STXBP5: variants seen among roughly 807,000 people sequenced by gnomAD.
STXBP5 encodes syntaxin binding protein 5, also known as syntaxin-binding protein 5.
Under a neutral mutation model 152.4 loss-of-function variants are expected in STXBP5, and 50 were observed. The observed-to-expected ratio is 0.33, with a 90% CI of 0.26 to 0.42. The LOEUF is 0.42. Among genes scored for constraint, STXBP5 ranks in the 10% least tolerant of loss-of-function variants. The pLI is 1.00. For missense variants in STXBP5, 1,167 were observed against 1,388.6 expected (o/e 0.84, Z 2.54); for synonymous variants, 492 against 494.7 (o/e 0.99, Z 0.07).
intron 27 of STXBP5, among the ~76,000 whole-genome samples, chr6:147,384,008 G>A (rs1786223274): frequency 6.6e-6 from 1 of 152,036 alleles, no homozygotes; most frequent in Non-Finnish European, 1.5e-5. Flanking sequence ...GATCTCTACA[G>A]CATGTAGCAT....
In STXBP5 at chr6:147,204,688, C is replaced by A. The variant is rs956651147; in HGVS notation, c.150+6C>A. On this transcript the variant is annotated splice_donor_region_variant and intron_variant, in intron 1 of 27. Coordinates refer to ENST00000321680, the MANE Select transcript of STXBP5 (RefSeq NM_001127715.4). The surrounding 1 kb of genome is among the most constrained non-coding windows in gnomAD (Gnocchi z 4.3). ...AGCACTTTCAGCTCTGCAAGGTGAACGGAGCGCGCAGCCCCGCGACACCGT... is the reference window on the plus strand; with the variant it reads ...AGCACTTTCAGCTCTGCAAGGTGAAAGGAGCGCGCAGCCCCGCGACACCGT... 2 of 1,570,372 alleles carry A rather than the reference C, an allele frequency of 1.3e-6. No homozygotes were observed. The highest frequency in any genetic ancestry group is 2.4e-5 in the East Asian group (1 of 42,012).
intron 2 of STXBP5, among the ~76,000 whole-genome samples, chr6:147,206,960 C>T (rs1274268859): frequency 6.6e-6 from 1 of 151,034 alleles, no homozygotes; most frequent in Non-Finnish European, 1.5e-5. Context: ...GGATATCTAC[C>T]TCCTGCATAT....
intron 2 of STXBP5, among the ~76,000 whole-genome samples, chr6:147,210,914 C>T (rs767623122): frequency 8.5e-5 from 13 of 152,120 alleles, no homozygotes; most frequent in Admixed American, 2.6e-4. Context: ...TACTGAGTGG[C>T]AACTGTGTAG....
At chr6:147,354,937 C>T (rs2128409072) in intron 22 of STXBP5, among the ~76,000 whole-genome samples, 1 of 152,206 alleles carries the variant, frequency 6.6e-6, no homozygotes, top group Non-Finnish European at 1.5e-5. Flanking sequence ...TTACATTGGT[C>T]AGGGAGGCAA....
At chr6:147,365,092 C>G (rs925674718) in intron 25 of STXBP5, among the ~76,000 whole-genome samples, 1 of 151,826 alleles carries the variant, frequency 6.6e-6, no homozygotes, top group Admixed American at 6.6e-5. Flanking sequence ...AGCATAGTGC[C>G]CCTGGTACAG....
At chr6:147,263,439 G>T (rs985786042) in intron 6 of STXBP5, among the ~76,000 whole-genome samples, 2 of 146,710 alleles carry the variant, frequency 1.4e-5, no homozygotes, top group African/African-American at 5.1e-5. Context: ...TGATCCTCCT[G>T]CCTTGTAATC....
At chr6:147,253,817 A>G (rs535800684) in intron 4 of STXBP5, among the ~76,000 whole-genome samples, 67 of 152,206 alleles carry the variant, frequency 4.4e-4, no homozygotes, top group Admixed American at 9.2e-4. Flanking sequence ...AATGGAAAAC[A>G]TTCCATGCTG....
chr6:147,332,336 C>T (rs1783616603), intron 18 of STXBP5, among the ~76,000 whole-genome samples: 1 of 152,080 alleles, frequency 6.6e-6, no homozygotes, highest in African/African-American at 2.4e-5. Flanking sequence ...CAGTAGATTA[C>T]ATTAATAGTG....
intron 9 of STXBP5, chr6:147,293,213 A>T (rs1781363487): frequency 6.6e-6 from 1 of 152,166 alleles, no homozygotes; most frequent in South Asian, 2.1e-4. Context: ...CAATGACAAA[A>T]TTGTCCAATG....
chr6:147,314,599 T>G lies in STXBP5; in HGVS notation c.1365T>G (p.His455Gln), dbSNP rs762982125. The G allele has an allele frequency of 6.2e-7, 1 of 1,609,536 alleles. No individual in the cohort carries two copies. The highest frequency in any genetic ancestry group is 1.1e-5 in the South Asian group (1 of 89,898). Residue 455 changes from histidine to glutamine, a missense_variant, in exon 14 of 28, where the codon CAT becomes CAG. His to Gln is a conservative substitution (Grantham distance 24). Coordinates refer to ENST00000321680, the MANE Select transcript of STXBP5 (RefSeq NM_001127715.4). ...QSYPEIIITG[H>Q]ADGSVKFWDA... ...TTCTTAACATTGCTTTTCTTAGGCA[T>G]GCTGATGGGTCAGTTAAGTTCTGGG...
intron 6 of STXBP5, 49 bp from the exon 7 acceptor site, chr6:147,267,035 T>C (rs1779927925): frequency 6.9e-7 from 1 of 1,445,562 alleles, no homozygotes; most frequent in Non-Finnish European, 9.6e-7. Flanking sequence ...AATAAATGTT[T>C]TATAATTGAT....
chr6:147,385,780 A>G lies in STXBP5; in HGVS notation c.*1025A>G, dbSNP rs1417706791. On this transcript the variant is annotated 3_prime_UTR_variant, in exon 28 of 28. Transcript: ENST00000321680. ...TAAAATGCTCAGCTCCCTTTTCAAAATGCCCTTTATTTGCTAACTGTTCCA... is the reference window on the plus strand; with the variant it reads ...TAAAATGCTCAGCTCCCTTTTCAAAGTGCCCTTTATTTGCTAACTGTTCCA... 6.6e-6 allele frequency: 1 copy of G among 152,110 alleles called. No individual in the cohort carries two copies. Among genetic ancestry groups the G allele is most frequent in the Non-Finnish European group, 1.5e-5 (1 of 67,992 alleles). 9.4% of individuals were successfully genotyped at this position (152,110 alleles called of 1,614,324 possible).
chr6:147,386,459 GC>G lies in STXBP5; in HGVS notation c.*1705del, dbSNP rs1786343675. ...CATTTTATAACATGCACTACTAGAT[GC>G]AAAAGTTTACATCAAAGTTTACTTT... On this transcript the variant is annotated 3_prime_UTR_variant, in exon 28 of 28. Coordinates refer to ENST00000321680, the MANE Select transcript of STXBP5 (RefSeq NM_001127715.4). 1 of 151,454 alleles carries G rather than the reference GC, an allele frequency of 6.6e-6. No individual in the cohort carries two copies. The highest frequency in any genetic ancestry group is 2.4e-5 in the African/African-American group (1 of 41,292). The allele number at this position is 151,454 out of a possible 1,614,324, so 9.4% of individuals were successfully genotyped here. A position where few individuals can be genotyped will look rare whatever the true frequency, so the allele number is the denominator to read the frequency against.
intron 9 of STXBP5, among the ~76,000 whole-genome samples, chr6:147,295,915 G>A (rs1781497162): frequency 6.6e-6 from 1 of 152,174 alleles, no homozygotes; most frequent in South Asian, 2.1e-4. Context: ...GGGACCAGTA[G>A]CCACTTCATT....
At chr6:147,381,269 G>A (rs1312515825) in intron 26 of STXBP5, among the ~76,000 whole-genome samples, 1 of 152,108 alleles carries the variant, frequency 6.6e-6, no homozygotes, top group Admixed American at 6.6e-5. Flanking sequence ...TGACAAATGA[G>A]TGCATGAAAA....
chr6:147,384,365 CAGG>C (rs1562281485), intron 27 of STXBP5, among the ~76,000 whole-genome samples: 1 of 152,082 alleles, frequency 6.6e-6, no homozygotes, highest in African/African-American at 2.4e-5. Flanking sequence ...TTTGAGATGG[CAGG>C]AGGAGTAGCA....
At chr6:147,267,442 C>A (rs1158254877) in intron 7 of STXBP5, among the ~76,000 whole-genome samples, 4 of 152,088 alleles carry the variant, frequency 2.6e-5, no homozygotes, top group Non-Finnish European at 4.4e-5. Flanking sequence ...CAAGCAAATT[C>A]ATAAATATAT....
intron 25 of STXBP5, among the ~76,000 whole-genome samples, chr6:147,368,574 G>A (rs1347990957): frequency 6.6e-6 from 1 of 152,118 alleles, no homozygotes; most frequent in Non-Finnish European, 1.5e-5. Flanking sequence ...ACAGAAGAAT[G>A]TTCACTCTCA....
chr6:147,215,200 C>G (rs929564872), intron 2 of STXBP5, among the ~76,000 whole-genome samples: 2 of 152,110 alleles, frequency 1.3e-5, no homozygotes, highest in Non-Finnish European at 2.9e-5. Flanking sequence ...GCCCACAGGC[C>G]AAAGTTTTCC....
Sources: allele counts gnomAD v4.1 joint callset (sites outside exome capture counted in the v4.1 genomes callset), GRCh38; gene constraint gnomAD v4.1.1; non-coding constraint Gnocchi (gnomAD v3.1); transcripts MANE v1.5; gene names NCBI Gene and HGNC (gene_info 2026-07-23, HGNC 2026-07-21).